The following BAZ2B variants were observed in gnomAD, a reference collection of about 807,000 sequenced individuals.
BAZ2B encodes bromodomain adjacent to zinc finger domain protein 2B.
In BAZ2B, 91 loss-of-function variants were observed where a neutral mutation model predicts 246.0. The ratio of observed to expected loss-of-function variants is 0.37; its 90% CI spans 0.31 to 0.44. BAZ2B has a LOEUF of 0.44. Among genes scored for constraint, BAZ2B ranks in the 20% least tolerant of loss-of-function variants. BAZ2B has a pLI of 1.00. For missense variants in BAZ2B, 2,332 were observed against 2,533.7 expected, an observed-to-expected ratio of 0.92 and a Z score of 1.71; for synonymous variants, 855 against 860.0, an observed-to-expected ratio of 0.99 and a Z score of 0.10.
intron 1 of BAZ2B, among the ~76,000 whole-genome samples, chr2:159,600,127 G>C (rs1202399768): frequency 1.3e-5 from 2 of 152,040 alleles, no homozygotes; most frequent in Non-Finnish European, 2.9e-5. Context: ...TAATTTTGTA[G>C]CTTTAGTAGT....
chr2:159,539,117 A>G (rs944301353), intron 2 of BAZ2B, among the ~76,000 whole-genome samples: 1 of 152,236 alleles, frequency 6.6e-6, no homozygotes, highest in African/African-American at 2.4e-5. Flanking sequence ...CATAAGGATC[A>G]TATCATGCTT....
intron 13 of BAZ2B, 42 bp downstream of exon 13, chr2:159,427,899 T>A: frequency 6.8e-7 from 1 of 1,479,630 alleles, no homozygotes; most frequent in Non-Finnish European, 9.4e-7. Flanking sequence ...GTTATGGTAC[T>A]ACTTTTTGGT....
At position 159,527,230 on chromosome 2, in the gene BAZ2B, A is replaced by G. The variant is rs190516687; in HGVS notation, c.-3+28593T>C. Among the ~76,000 whole-genome samples the G allele has an allele frequency of 1.6e-3, 237 of 152,128 alleles. 3 individuals are homozygous for G. Among genetic ancestry groups the G allele is most frequent in the South Asian group, 0.015 (73 of 4,820 alleles). ...GGCTAGTGATGCTGAACATCTTTTCATGTGTTCAGCTGACATCCGTATAAC... is the reference window on the plus strand; with the variant it reads ...GGCTAGTGATGCTGAACATCTTTTCGTGTGTTCAGCTGACATCCGTATAAC... On this transcript the variant is annotated intron_variant, in intron 2 of 36. Coordinates refer to ENST00000392783, the MANE Select transcript of BAZ2B (RefSeq NM_013450.4).
intron 21 of BAZ2B, 124 bp from the exon 22 acceptor site, chr2:159,386,731 T>A: frequency 5.3e-6 from 6 of 1,130,828 alleles, no homozygotes; most frequent in South Asian, 1.7e-5. Flanking sequence ...TACCAGTAGC[T>A]TCCTTTGGGA....
intron 4 of BAZ2B, among the ~76,000 whole-genome samples, chr2:159,452,875 G>A (rs7594793): frequency 0.026 from 3,897 of 152,244 alleles, 140 homozygotes; most frequent in African/African-American, 0.088. Context: ...CGAGGTGGGC[G>A]GATCACTTGA....
chr2:159,541,193 G>A (rs543318812), intron 2 of BAZ2B, among the ~76,000 whole-genome samples: 57 of 151,994 alleles, frequency 3.8e-4, no homozygotes, highest in African/African-American at 1.4e-3. Flanking sequence ...AATTAAAATC[G>A]GGTTGTTGAT....
chr2:159,627,851 T>G, the BAZ2B span, among the ~76,000 whole-genome samples: 1 of 152,160 alleles, frequency 6.6e-6, no homozygotes, highest in Non-Finnish European at 1.5e-5. Context: ...ATAAAGGGTA[T>G]TCAAATAGGA....
At chr2:159,626,034 C>T in the BAZ2B span, among the ~76,000 whole-genome samples, 9 of 150,666 alleles carry the variant, frequency 6.0e-5, no homozygotes, top group Non-Finnish European at 1.3e-4. Context: ...CAATTCTAGT[C>T]TCTGAGGAAA....
intron 1 of BAZ2B, among the ~76,000 whole-genome samples, chr2:159,608,101 G>A (rs1481993814): frequency 6.6e-5 from 10 of 152,198 alleles, no homozygotes; most frequent in African/African-American, 1.4e-4. Context: ...CAGGCCAGGC[G>A]TGGTGGCTCA....
At chr2:159,692,447 C>T in the BAZ2B span, among the ~76,000 whole-genome samples, 1 of 152,152 alleles carries the variant, frequency 6.6e-6, no homozygotes, top group East Asian at 1.9e-4. Flanking sequence ...CATGAGCCAC[C>T]GTGCCTGGCT....
the BAZ2B span, among the ~76,000 whole-genome samples, chr2:159,623,890 C>T: frequency 2.0e-5 from 3 of 152,212 alleles, no homozygotes; most frequent in African/African-American, 7.2e-5. Flanking sequence ...CAGTGGAGTA[C>T]TATGCAGTTT....
At chr2:159,486,031 G>A (rs966967203) in intron 2 of BAZ2B, among the ~76,000 whole-genome samples, 1 of 151,942 alleles carries the variant, frequency 6.6e-6, no homozygotes, top group African/African-American at 2.4e-5. Context: ...TGGGGAAGAC[G>A]TTATCCTAAG....
rs536061222 is a variant in BAZ2B, at chr2:159,468,622, G to C, written c.145+9953C>G. Among the ~76,000 whole-genome samples the C allele has an allele frequency of 4.6e-5, 7 of 152,286 alleles. No individual in the cohort carries two copies. In the South Asian group the frequency reaches 1.5e-3, roughly 32 times the overall value. ...AATAGAAAATGTTTTTACTGGAATG[G>C]TAAGAAAATGACACATAAAACTTAT... is the stretch of plus-strand genomic sequence containing the variant. On this transcript the variant is annotated intron_variant, in intron 3 of 36. Transcript: ENST00000392783.
rs552685064 is a variant in BAZ2B, at chr2:159,566,231, G to A, written c.-45-10366C>T. On this transcript the variant is annotated intron_variant, in intron 1 of 36. Coordinates refer to ENST00000392783, the MANE Select transcript of BAZ2B (RefSeq NM_013450.4). ...TCTCCATGTTGGTCAGGCTGGTTTCGAACTCCTGACCTCAGGTTATCCACC... is the reference window on the plus strand; with the variant it reads ...TCTCCATGTTGGTCAGGCTGGTTTCAAACTCCTGACCTCAGGTTATCCACC... Among the ~76,000 whole-genome samples, 128 of 152,104 alleles carry A rather than the reference G, an allele frequency of 8.4e-4. 2 individuals are homozygous for A. The Middle Eastern group carries it at 0.01, about 12-fold the overall frequency.
intron 20 of BAZ2B, among the ~76,000 whole-genome samples, chr2:159,390,050 T>A (rs1420045730): frequency 6.6e-6 from 1 of 152,178 alleles, no homozygotes; most frequent in African/African-American, 2.4e-5. Flanking sequence ...TTGTAGGGAA[T>A]GACTTTGTTG....
At chr2:159,381,719 T>C (rs1472848617) in intron 25 of BAZ2B, among the ~76,000 whole-genome samples, 1 of 152,182 alleles carries the variant, frequency 6.6e-6, no homozygotes, top group Admixed American at 6.6e-5. Flanking sequence ...ATTCTCTGAT[T>C]ATAACCCTTC....
intron 1 of BAZ2B, among the ~76,000 whole-genome samples, chr2:159,601,427 A>AG (rs1692113605): frequency 2.6e-5 from 1 of 39,008 alleles, no homozygotes; most frequent in Non-Finnish European, 7.3e-5. Flanking sequence ...CTGTCTCAAA[A>AG]GAAAAAAAAA....
At chr2:159,599,982 C>T (rs916526927) in intron 1 of BAZ2B, among the ~76,000 whole-genome samples, 10 of 150,318 alleles carry the variant, frequency 6.7e-5, no homozygotes, top group Non-Finnish European at 1.3e-4. Context: ...AGAAAGAAAT[C>T]TGAGGGATAA....
At chr2:159,317,354 G>A (rs1194047832), downstream of BAZ2B, among the ~76,000 whole-genome samples, 1 of 152,184 alleles carries the variant, frequency 6.6e-6, no homozygotes, top group African/African-American at 2.4e-5. Context: ...GATTAAAACT[G>A]GTGCTTGTGA....
Sources: gnomAD v4.1 joint callset for allele counts (sites outside exome capture counted in the v4.1 genomes callset) on GRCh38, gnomAD v4.1.1 for gene constraint, MANE v1.5 for transcripts, NCBI Gene and HGNC (gene_info 2026-07-23, HGNC 2026-07-21) for gene names.